Variants in LCORL observed in about 807,000 individuals in gnomAD.
The protein encoded by LCORL is ligand-dependent nuclear receptor corepressor-like protein.
Under a neutral mutation model 141.8 loss-of-function variants are expected in LCORL, and 41 were observed. The ratio of observed to expected loss-of-function variants is 0.29; its 90% CI spans 0.23 to 0.38. LCORL has a LOEUF of 0.38. Among genes scored for constraint, LCORL ranks in the 10% least tolerant of loss-of-function variants. The pLI, the probability that LCORL is intolerant of heterozygous loss-of-function variation, is 1.00. For synonymous variants in LCORL, 618 were observed against 694.1 expected (o/e 0.89, Z 1.72); for missense variants, 1,759 against 2,035.0 (o/e 0.86, Z 2.61).
intron 4 of LCORL, among the ~76,000 whole-genome samples, chr4:17,926,047 G>T (rs1333551042): frequency 6.6e-6 from 1 of 152,048 alleles, no homozygotes; most frequent in Admixed American, 6.5e-5. Flanking sequence ...TTTGGATTGG[G>T]GACTGGTGCA....
chr4:17,874,038 T>C (rs952181486), exon 7 of LCORL: 1 of 1,234,122 alleles, frequency 8.1e-7, no homozygotes, highest in Non-Finnish European at 1.0e-6. Context: ...GCTTTTTCCT[T>C]GGAGTGGGAT....
chr4:17,881,944 C>T (rs976554451), intron 6 of LCORL: 5 of 979,566 alleles, frequency 5.1e-6, no homozygotes, highest in Non-Finnish European at 6.0e-6. Context: ...CTGACATCTG[C>T]TGTTCTGTAA....
At chr4:17,971,578 G>GT (rs535281711) in intron 2 of LCORL, among the ~76,000 whole-genome samples, 118 of 149,174 alleles carry the variant, frequency 7.9e-4, no homozygotes, top group Middle Eastern at 3.5e-3. Flanking sequence ...GTAGTTATGT[G>GT]TTTTTTTTTG....
At chr4:17,977,523 T>G (rs950221334) in intron 1 of LCORL, among the ~76,000 whole-genome samples, 1 of 152,224 alleles carries the variant, frequency 6.6e-6, no homozygotes, top group Admixed American at 6.5e-5. Flanking sequence ...AATTTGTATT[T>G]CCCTATTGAC....
intron 4 of LCORL, among the ~76,000 whole-genome samples, chr4:17,937,363 T>G (rs938515056): frequency 6.6e-6 from 1 of 152,196 alleles, no homozygotes; most frequent in South Asian, 2.1e-4. Flanking sequence ...AAAAGTGTTA[T>G]CTTCCACAAC....
In LCORL at chr4:17,988,042, T is replaced by C. The variant is rs192147102; in HGVS notation, c.155-15157A>G. 2.7e-3 allele frequency among the ~76,000 whole-genome samples: 404 copies of C among 152,226 alleles called. 3 individuals are homozygous for C. The highest frequency in any genetic ancestry group is 9.2e-3 in the African/African-American group (382 of 41,544). On this transcript the variant is annotated intron_variant, in intron 1 of 7. Transcript: ENST00000635767. ...GAGGGACCTGGTGGAAGATGACTGA[T>C]TTATAGGGGCGGGTCTTTCCAATGC...
At chr4:17,953,888 G>A (rs749176352) in intron 4 of LCORL, among the ~76,000 whole-genome samples, 78 of 152,182 alleles carry the variant, frequency 5.1e-4, no homozygotes, top group Non-Finnish European at 7.8e-4. Flanking sequence ...TGAGGGCCAG[G>A]CGCGGTGGCT....
intron 4 of LCORL, among the ~76,000 whole-genome samples, chr4:17,951,752 G>C (rs1739753535): frequency 6.6e-6 from 1 of 152,124 alleles, no homozygotes; most frequent in African/African-American, 2.4e-5. Context: ...ACGAAGACAG[G>C]GATATTTTTT....
chr4:17,876,947 T>C, exon 7 of LCORL: 4 of 1,230,736 alleles, frequency 3.3e-6, no homozygotes, highest in Non-Finnish European at 4.1e-6. Flanking sequence ...TACCTTGAAG[T>C]CTTTTAGAAT....
At chr4:17,990,626 T>C (rs1231659087) in intron 1 of LCORL, among the ~76,000 whole-genome samples, 2 of 151,008 alleles carry the variant, frequency 1.3e-5, no homozygotes, top group Non-Finnish European at 2.9e-5. Context: ...AATTCACATA[T>C]TAAATTCCCA....
At chr4:18,017,482 C>A (rs1724813334) in intron 1 of LCORL, among the ~76,000 whole-genome samples, 1 of 152,138 alleles carries the variant, frequency 6.6e-6, no homozygotes, top group Non-Finnish European at 1.5e-5. Context: ...TACACACCAA[C>A]ATCATGAATC....
intron 1 of LCORL, among the ~76,000 whole-genome samples, chr4:17,999,728 T>C (rs1368223153): frequency 6.6e-6 from 1 of 152,148 alleles, no homozygotes; most frequent in Non-Finnish European, 1.5e-5. Flanking sequence ...AAGAAATTGT[T>C]TTAAGGACAC....
At chr4:17,958,821 T>A (rs1285978958) in intron 4 of LCORL, among the ~76,000 whole-genome samples, 3 of 152,020 alleles carry the variant, frequency 2.0e-5, no homozygotes, top group Non-Finnish European at 4.4e-5. Flanking sequence ...ACAGTCCTAG[T>A]TGCCGAGATT....
intron 5 of LCORL, among the ~76,000 whole-genome samples, chr4:17,898,955 T>G (rs1730429516): frequency 6.6e-6 from 1 of 152,210 alleles, no homozygotes; most frequent in Non-Finnish European, 1.5e-5. Context: ...AAAATGTCTG[T>G]TGCTTAACAG....
chr4:17,879,821 A>T (rs1434389930), intron 6 of LCORL, among the ~76,000 whole-genome samples: 1 of 151,062 alleles, frequency 6.6e-6, no homozygotes, highest in Non-Finnish European at 1.5e-5. Context: ...GAGAATTTAC[A>T]TGTTTCTTGG....
chr4:17,885,663 C>T (rs971533053), intron 6 of LCORL, among the ~76,000 whole-genome samples: 4 of 151,836 alleles, frequency 2.6e-5, no homozygotes, highest in African/African-American at 9.7e-5. Flanking sequence ...ATAAAAAAAT[C>T]TAAACACTAT....
intron 4 of LCORL, among the ~76,000 whole-genome samples, chr4:17,961,435 A>C (rs1329107837): frequency 6.6e-6 from 1 of 152,126 alleles, no homozygotes; most frequent in African/African-American, 2.4e-5. Context: ...TAAGCAAATT[A>C]AAGTTACCAA....
chr4:17,946,249 G>T (rs1738856865), intron 4 of LCORL, among the ~76,000 whole-genome samples: 1 of 151,894 alleles, frequency 6.6e-6, no homozygotes. Context: ...TTTTGAGTAG[G>T]TTCCTCCTTT....
exon 7 of LCORL, chr4:17,877,812 T>C (rs1727078562): frequency 2.4e-6 from 3 of 1,230,716 alleles, no homozygotes; most frequent in Non-Finnish European, 3.0e-6. Flanking sequence ...GTGAGAATTA[T>C]AACTGTCTGC....
Sources: allele counts gnomAD v4.1 joint callset (sites outside exome capture counted in the v4.1 genomes callset), GRCh38; gene constraint gnomAD v4.1.1; transcripts MANE v1.5; gene names NCBI Gene and HGNC (gene_info 2026-07-23, HGNC 2026-07-21).